Variants in NFIB observed in about 807,000 individuals in gnomAD.
The protein encoded by NFIB is nuclear factor I B.
Under a neutral mutation model 61.5 loss-of-function variants are expected in NFIB, and 11 were observed. The observed-to-expected ratio is 0.18, with a 90% confidence interval of 0.11 to 0.30. The LOEUF is 0.30. Ranked by LOEUF, NFIB falls within the 10% of genes least tolerant of loss-of-function variation. NFIB has a pLI of 1.00. For missense variants in NFIB, 471 were observed against 608.9 expected (o/e 0.77, Z 2.38); for synonymous variants, 260 against 216.5 (o/e 1.20, Z -1.76).
At chr9:14,495,684 C>T in the NFIB span, among the ~76,000 whole-genome samples, 166 of 151,948 alleles carry the variant, frequency 1.1e-3, no homozygotes, top group Middle Eastern at 6.8e-3. Flanking sequence ...CCAAGATGAC[C>T]CTAATTATCT....
At chr9:14,135,426 A>T (rs2040931652) in intron 6 of NFIB, among the ~76,000 whole-genome samples, 1 of 152,216 alleles carries the variant, frequency 6.6e-6, no homozygotes, top group South Asian at 2.1e-4. Flanking sequence ...TACAGGCAAA[A>T]CAATGTCTTT....
intron 1 of NFIB, chr9:14,361,512 T>C (rs2061240823): frequency 6.6e-6 from 1 of 152,188 alleles, no homozygotes; most frequent in Non-Finnish European, 1.5e-5. Context: ...CCACATCACA[T>C]CACATACATG....
At chr9:14,400,978 T>G (rs1029219715), upstream of NFIB, among the ~76,000 whole-genome samples, 48 of 152,234 alleles carry the variant, frequency 3.2e-4, no homozygotes, top group African/African-American at 9.6e-4. Flanking sequence ...TTTCACCCTC[T>G]TTGATATTTC....
At chr9:14,527,056 T>C in the NFIB span, among the ~76,000 whole-genome samples, 3 of 152,182 alleles carry the variant, frequency 2.0e-5, no homozygotes, top group Admixed American at 2.0e-4. Context: ...ATAAAAGTCA[T>C]TCCCACATAA....
Position 14,147,771 on chromosome 9 carries a change from A to G in NFIB, c.807-964T>C, listed in dbSNP as rs118005180. Among the ~76,000 whole-genome samples the G allele has an allele frequency of 0.015, 2,302 of 150,516 alleles. 147 individuals carry two copies. In the East Asian group the frequency reaches 0.21, roughly 14 times the overall value. On this transcript the variant is annotated intron_variant, in intron 5 of 10. Transcript: ENST00000380953. ...ATCCTCCCACCTCAGCCTCCCAAGT[A>G]GCTTGAACTATAGGTGCCTGTCACC...
At chr9:14,350,645 A>G (rs1447887247) in intron 1 of NFIB, among the ~76,000 whole-genome samples, 5 of 152,212 alleles carry the variant, frequency 3.3e-5, no homozygotes, top group African/African-American at 1.2e-4. Context: ...GATGTATAAT[A>G]TCAGGCGCTG....
chr9:14,093,266 G>A (rs1319183487), intron 10 of NFIB, among the ~76,000 whole-genome samples: 3 of 152,080 alleles, frequency 2.0e-5, no homozygotes, highest in African/African-American at 7.2e-5. Flanking sequence ...TAGTTAAACA[G>A]TTTATGAAAT....
At chr9:14,169,181 T>C (rs1274123866) in intron 3 of NFIB, among the ~76,000 whole-genome samples, 1 of 152,160 alleles carries the variant, frequency 6.6e-6, no homozygotes, top group African/African-American at 2.4e-5. Flanking sequence ...ATCTTACCAT[T>C]CATCATGTCA....
chr9:14,508,721 G>A, the NFIB span, among the ~76,000 whole-genome samples: 3 of 152,188 alleles, frequency 2.0e-5, no homozygotes, highest in African/African-American at 2.4e-5. Flanking sequence ...ACTCCTACAC[G>A]TTGGTTTTAC....
At chr9:14,219,186 A>T (rs941987724) in intron 2 of NFIB, among the ~76,000 whole-genome samples, 21 of 152,146 alleles carry the variant, frequency 1.4e-4, no homozygotes, top group African/African-American at 5.1e-4. Context: ...CCTATCTGCC[A>T]TGTTTAAAGG....
At chr9:14,199,768 C>T (rs1290365239) in intron 2 of NFIB, among the ~76,000 whole-genome samples, 3 of 151,598 alleles carry the variant, frequency 2.0e-5, no homozygotes, top group Non-Finnish European at 4.4e-5. Flanking sequence ...TTGGAGGATC[C>T]AGGATCCATT....
intron 10 of NFIB, among the ~76,000 whole-genome samples, chr9:14,092,804 G>A (rs901695373): frequency 5.9e-5 from 9 of 151,964 alleles, no homozygotes; most frequent in South Asian, 4.1e-4. Context: ...GGATTAAGGC[G>A]GAAGAAGATA....
the NFIB span, among the ~76,000 whole-genome samples, chr9:14,466,639 A>C: frequency 2.0e-5 from 3 of 152,176 alleles, no homozygotes; most frequent in Non-Finnish European, 4.4e-5. Context: ...CCTACCAGCA[A>C]GGGGCCTTCT....
intron 10 of NFIB, among the ~76,000 whole-genome samples, chr9:14,108,030 T>G (rs531718600): frequency 2.0e-5 from 3 of 152,120 alleles, no homozygotes; most frequent in Admixed American, 1.3e-4. Context: ...TGGAAGGATT[T>G]TTTGAATTTA....
chr9:14,528,949 T>C, the NFIB span, among the ~76,000 whole-genome samples: 1 of 152,104 alleles, frequency 6.6e-6, no homozygotes, highest in African/African-American at 2.4e-5. Flanking sequence ...ACTCTAAATA[T>C]AGCCAAGCAA....
chr9:14,301,717 A>G (rs1468140737), intron 2 of NFIB, among the ~76,000 whole-genome samples: 5 of 152,120 alleles, frequency 3.3e-5, no homozygotes, highest in African/African-American at 1.2e-4. Context: ...TAACTCTTAA[A>G]TTGTCTGTTA....
At chr9:14,182,250 T>C (rs918047132) in intron 2 of NFIB, among the ~76,000 whole-genome samples, 4 of 152,204 alleles carry the variant, frequency 2.6e-5, no homozygotes, top group African/African-American at 9.6e-5. Flanking sequence ...ATTGGCTTTT[T>C]GTAACAATTC....
upstream of NFIB, among the ~76,000 whole-genome samples, chr9:14,318,886 A>G (rs1401440403): frequency 1.3e-5 from 2 of 152,190 alleles, no homozygotes; most frequent in Non-Finnish European, 2.9e-5. Flanking sequence ...CAAATTACCC[A>G]GCTCTTAAAC....
chr9:14,098,372 CT>C (rs1181103285), intron 10 of NFIB, among the ~76,000 whole-genome samples: 2 of 152,174 alleles, frequency 1.3e-5, no homozygotes, highest in Non-Finnish European at 2.9e-5. Context: ...AATTCAGTTT[CT>C]CTTTTGCATA....
Sources: gnomAD v4.1 joint callset for allele counts (sites outside exome capture counted in the v4.1 genomes callset) on GRCh38, gnomAD v4.1.1 for gene constraint, MANE v1.5 for transcripts, NCBI Gene and HGNC (gene_info 2026-07-23, HGNC 2026-07-21) for gene names.